The following KIF3B variants were observed in gnomAD, a reference collection of about 807,000 sequenced individuals.
The protein encoded by KIF3B is kinesin family member 3B.
A neutral mutation model predicts 74.3 loss-of-function variants in KIF3B; 38 were observed. That is an observed-to-expected ratio of 0.51 (90% CI 0.39 to 0.67). The LOEUF (loss-of-function observed/expected upper bound fraction) is 0.67. KIF3B is among the 30% of genes least tolerant of loss of function. The pLI, the probability that KIF3B is intolerant of heterozygous loss-of-function variation, is 0.00. For synonymous variants in KIF3B, 326 were observed against 342.5 expected (o/e 0.95, Z 0.53); for missense variants, 649 against 932.0 (o/e 0.70, Z 3.95).
intron 1 of KIF3B, among the ~76,000 whole-genome samples, chr20:32,278,094 G>C (rs2047625153): frequency 6.6e-6 from 1 of 152,326 alleles, no homozygotes; most frequent in Non-Finnish European, 1.5e-5. Context: ...TGGGCTTGCT[G>C]TGTGACCTTG....
chr20:32,303,874 AG>A lies in KIF3B; in HGVS notation c.-65-5838del, dbSNP rs555212218. Among the ~76,000 whole-genome samples, 187 of 148,738 alleles carry A rather than the reference AG, an allele frequency of 1.3e-3. 2 individuals are homozygous for A. The South Asian group carries it at 0.019, about 15-fold the overall frequency. ...CAGTCTCACAAAAAAAAAAAAAAAA[AG>A]AAAGAAAAAGAAATGTTATTCTAGT... On this transcript the variant is annotated intron_variant, in intron 1 of 8. Coordinates refer to ENST00000375712, the MANE Select transcript of KIF3B (RefSeq NM_004798.4).
At chr20:32,289,535 A>G (rs144146533) in intron 1 of KIF3B, among the ~76,000 whole-genome samples, 98 of 152,246 alleles carry the variant, frequency 6.4e-4, no homozygotes, top group Non-Finnish European at 5.3e-4. Flanking sequence ...TTTCAAACCA[A>G]TGGTGATCAA....
At chr20:32,299,403 A>ATATATATATATATTTTTTTTTTTTTT (rs1555895046) in intron 1 of KIF3B, among the ~76,000 whole-genome samples, 1 of 9,026 alleles carries the variant, frequency 1.1e-4, no homozygotes, top group African/African-American at 6.1e-4. Flanking sequence ...ATATATATAT[A>ATATATATATATATTTTTTTTTTTTTT]TTTTTTTTTT....
rs71187110 is a variant in KIF3B at position 32,333,632 on chromosome 20, C to CAAAAAAAAAAAAAAAAAAAAAAA, written c.*2317_*2339dup. 5.9e-5 allele frequency: 2 copies of CAAAAAAAAAAAAAAAAAAAAAAA among 33,802 alleles called. No individual in the cohort carries two copies. The highest frequency in any genetic ancestry group is 9.0e-5 in the African/African-American group (1 of 11,056). The allele number at this position is 33,802 out of a possible 1,614,324, so 2.1% of individuals were successfully genotyped here. A position where few individuals can be genotyped will look rare whatever the true frequency, so the allele number is the denominator to read the frequency against. Reference sequence around the variant, plus strand: ...TGGGTGACAGAGTGAGACTCCCCCTCAAAAAAAAAAAAAAAAAAAAAAAAA... The same window carrying CAAAAAAAAAAAAAAAAAAAAAAA: ...TGGGTGACAGAGTGAGACTCCCCCTCAAAAAAAAAAAAAAAAAAAAAAAAAAAAAAAAAAAAAAAAAAAAAAAA... On this transcript the variant is annotated 3_prime_UTR_variant, in exon 9 of 9. Coordinates refer to ENST00000375712, the MANE Select transcript of KIF3B (RefSeq NM_004798.4).
At chr20:32,302,655 C>G (rs892812649) in intron 1 of KIF3B, among the ~76,000 whole-genome samples, 3 of 152,188 alleles carry the variant, frequency 2.0e-5, no homozygotes, top group Admixed American at 6.5e-5. Context: ...CATTCTGTTT[C>G]TCTTACTCTA....
At chr20:32,319,594 T>G (rs562497250) in intron 5 of KIF3B, among the ~76,000 whole-genome samples, 1,505 of 142,748 alleles carry the variant, frequency 0.011, 40 homozygotes, top group African/African-American at 0.036. Flanking sequence ...TTTTTTTTTT[T>G]TTTTTTTTGG....
At chr20:32,291,925 T>G (rs969248911) in intron 1 of KIF3B, among the ~76,000 whole-genome samples, 14 of 150,376 alleles carry the variant, frequency 9.3e-5, no homozygotes, top group African/African-American at 3.2e-4. Context: ...CCTCATTTTT[T>G]TTTTCTTGAG....
At chr20:32,279,727 G>C (rs973039779) in intron 1 of KIF3B, among the ~76,000 whole-genome samples, 1 of 152,204 alleles carries the variant, frequency 6.6e-6, no homozygotes, top group Non-Finnish European at 1.5e-5. Context: ...GCCTCCCAAA[G>C]GACTGGGATT....
rs1206541663 is a variant in KIF3B at position 32,310,696 on chromosome 20, G to A, written c.919G>A (p.Gly307Ser). 6.2e-7 allele frequency: 1 copy of A among 1,614,146 alleles called. No individual in the cohort carries two copies. The highest frequency in any genetic ancestry group is 1.7e-5 in the Admixed American group (1 of 60,016). Residue 307 changes from glycine (G) to serine (S), a missense_variant, in exon 2 of 9, where the codon GGC becomes AGC. By Grantham distance (56) the Gly-to-Ser change is moderately conservative. This residue lies in a region of KIF3B where 363 missense variants were observed against 592.8 expected (regional missense o/e 0.61). Transcript: ENST00000375712. This position sits in a 1 kb window ranked among gnomAD's most constrained non-coding sequence, Gnocchi z 6.5. ...LTRLLQDSLG[G>S]NAKTVMVANV... is the part of the protein sequence containing the mutation. ...CAGGCTCCTCCAAGATTCCCTTGGT[G>A]GCAATGCCAAGACTGTGATGGTGGC...
chr20:32,311,766 C>A (rs2047801450), intron 2 of KIF3B, among the ~76,000 whole-genome samples: 1 of 151,604 alleles, frequency 6.6e-6, no homozygotes, highest in Admixed American at 6.6e-5. Context: ...ACGTACCCCC[C>A]CACCCAGTGT....
chr20:32,328,612 C>CAA (rs142664447), intron 7 of KIF3B, among the ~76,000 whole-genome samples: 4,329 of 131,114 alleles, frequency 0.033, 249 homozygotes, highest in African/African-American at 0.11. Context: ...CACTCTGTCT[C>CAA]AAAAAAAAAA....
chr20:32,301,085 CTTTT>C, intron 1 of KIF3B, among the ~76,000 whole-genome samples: 1 of 90,168 alleles, frequency 1.1e-5, no homozygotes. Flanking sequence ...GCTTCATGGT[CTTTT>C]TTTTTTTTTT....
At chr20:32,299,736 C>T (rs1159065887) in intron 1 of KIF3B, among the ~76,000 whole-genome samples, 1 of 151,430 alleles carries the variant, frequency 6.6e-6, no homozygotes, top group Non-Finnish European at 1.5e-5. Context: ...ATGAATATAT[C>T]ATATTTTATT....
At chr20:32,313,856 A>G (rs2047813656) in intron 2 of KIF3B, among the ~76,000 whole-genome samples, 2 of 152,064 alleles carry the variant, frequency 1.3e-5, no homozygotes, top group African/African-American at 2.4e-5. Context: ...ACAGGTGTGC[A>G]CTGCCATGCC....
intron 1 of KIF3B, among the ~76,000 whole-genome samples, chr20:32,283,292 T>A (rs1338022868): frequency 6.6e-6 from 1 of 150,454 alleles, no homozygotes; most frequent in Non-Finnish European, 1.5e-5. Context: ...GATCACGAGG[T>A]CAGGAGTTTG....
At position 32,333,632 on chromosome 20, in the gene KIF3B, C is replaced by CAAAAAAAAAAAAAAAAAAAAAAAA. The variant is rs71187110; in HGVS notation, c.*2316_*2339dup. The CAAAAAAAAAAAAAAAAAAAAAAAA allele has an allele frequency of 1.2e-4, 4 of 33,802 alleles. 1 individual carries two copies. The highest frequency in any genetic ancestry group is 9.0e-5 in the African/African-American group (1 of 11,056). 2.1% of individuals were successfully genotyped at this position (33,802 alleles called of 1,614,324 possible). A position where few individuals can be genotyped will look rare whatever the true frequency, so the allele number is the denominator to read the frequency against. On this transcript the variant is annotated 3_prime_UTR_variant, in exon 9 of 9. Transcript: ENST00000375712. ...TGGGTGACAGAGTGAGACTCCCCCT[C>CAAAAAAAAAAAAAAAAAAAAAAAA]AAAAAAAAAAAAAAAAAAAAAAAAA...
In KIF3B at chr20:32,292,955, T is replaced by A. The variant is rs189102965; in HGVS notation, c.-66+15190T>A. ...GAAGGTCCCTCAATAAGGGACTGAC[T>A]GATCAAAGACATTTTTTGGCTGGGC... On this transcript the variant is annotated intron_variant, in intron 1 of 8. Coordinates refer to ENST00000375712, the MANE Select transcript of KIF3B (RefSeq NM_004798.4). 7.9e-4 allele frequency among the ~76,000 whole-genome samples: 120 copies of A among 152,226 alleles called. 1 individual carries two copies. The highest frequency in any genetic ancestry group is 2.7e-3 in the African/African-American group (114 of 41,558).
At chr20:32,304,568 GC>G (rs1285067834) in intron 1 of KIF3B, among the ~76,000 whole-genome samples, 1 of 152,138 alleles carries the variant, frequency 6.6e-6, no homozygotes, top group East Asian at 1.9e-4. Context: ...AAATTATGGT[GC>G]ATGCATGCAG....
chr20:32,315,713 TA>T, intron 2 of KIF3B, among the ~76,000 whole-genome samples: 1 of 152,200 alleles, frequency 6.6e-6, no homozygotes, highest in African/African-American at 2.4e-5. Context: ...ACCCTGTCTT[TA>T]AAAAATTTTA....
Sources: gnomAD v4.1 joint callset for allele counts (sites outside exome capture counted in the v4.1 genomes callset) on GRCh38, gnomAD v4.1.1 for gene constraint, gnomAD v4.1.1 regional missense constraint, Gnocchi (gnomAD v3.1) non-coding constraint, MANE v1.5 for transcripts, NCBI Gene and HGNC (gene_info 2026-07-23, HGNC 2026-07-21) for gene names.